RSRC1: variants seen among roughly 807,000 people sequenced by gnomAD.
RSRC1 encodes arginine and serine rich coiled-coil 1.
RSRC1 carries 39 observed loss-of-function variants against 49.1 expected under a neutral mutation model. The ratio of observed to expected loss-of-function variants is 0.79; its 90% CI spans 0.61 to 1.04. RSRC1 has a LOEUF of 1.04. RSRC1 is among the 50% of genes least tolerant of loss of function. The probability of loss-of-function intolerance (pLI) is 0.00; values close to 1 mark genes in which losing one functional copy is unlikely to be tolerated. For synonymous variants in RSRC1, 143 were observed against 130.8 expected (o/e 1.09, Z -0.63); for missense variants, 388 against 402.4 (o/e 0.96, Z 0.31).
chr3:158,203,153 G>A lies in RSRC1; in HGVS notation c.402G>A (p.Arg134=). The A allele has an allele frequency of 1.2e-6, 2 of 1,613,600 alleles. No individual in the cohort carries two copies. The highest frequency in any genetic ancestry group is 1.7e-6 in the Non-Finnish European group (2 of 1,179,720). The change falls in exon 4 of 10, where the codon CGG becomes CGA. Residue 134 remains arginine (R), a synonymous_variant. Coordinates refer to ENST00000611884, the MANE Select transcript of RSRC1 (RefSeq NM_001271838.2). The part of the protein sequence containing the change: ...SSHRRTRSRS[R]DRERRKGRDK... The stretch of plus-strand genomic sequence containing the variant: ...ACAGAAGAACGCGTAGTCGGTCTCG[G>A]GATAGAGAACGACGTAAGGGCAGAG...
At chr3:158,417,537 A>G (rs1157842129) in intron 6 of RSRC1, among the ~76,000 whole-genome samples, 5 of 152,108 alleles carry the variant, frequency 3.3e-5, no homozygotes, top group South Asian at 2.1e-4. Context: ...GGTTTTCACT[A>G]TGGAAAAAAA....
chr3:158,276,516 T>G (rs1725827278), intron 4 of RSRC1: 1 of 556,772 alleles, frequency 1.8e-6, no homozygotes, highest in Non-Finnish European at 3.2e-6. Flanking sequence ...ATGTTACCCC[T>G]CTTTTCTCAA....
chr3:158,239,294 C>G (rs1723427807), intron 4 of RSRC1, among the ~76,000 whole-genome samples: 1 of 152,182 alleles, frequency 6.6e-6, no homozygotes, highest in East Asian at 1.9e-4. Flanking sequence ...TTGTGTAAGA[C>G]AGTGTGTCAA....
intron 3 of RSRC1, among the ~76,000 whole-genome samples, chr3:158,193,952 G>C (rs970314688): frequency 2.0e-5 from 3 of 151,952 alleles, no homozygotes; most frequent in African/African-American, 7.3e-5. Context: ...CGACATACTA[G>C]TTCATGACTA....
At chr3:158,127,000 T>C (rs1020021026) in intron 3 of RSRC1, among the ~76,000 whole-genome samples, 10 of 152,204 alleles carry the variant, frequency 6.6e-5, no homozygotes, top group African/African-American at 2.2e-4. Flanking sequence ...TGAAATCTTA[T>C]GAAAGCTCCC....
chr3:158,447,720 G>C (rs527548949), intron 6 of RSRC1, among the ~76,000 whole-genome samples: 1 of 151,886 alleles, frequency 6.6e-6, no homozygotes, highest in East Asian at 1.9e-4. Flanking sequence ...TTCATGAATT[G>C]AAGCTAAGAA....
At chr3:158,430,957 A>G (rs1735745666) in intron 6 of RSRC1, among the ~76,000 whole-genome samples, 1 of 151,956 alleles carries the variant, frequency 6.6e-6, no homozygotes, top group Non-Finnish European at 1.5e-5. Flanking sequence ...GAGAGTCACC[A>G]TATTTTATTT....
intron 6 of RSRC1, among the ~76,000 whole-genome samples, chr3:158,418,550 G>A (rs1327164067): frequency 6.6e-6 from 1 of 151,884 alleles, no homozygotes; most frequent in African/African-American, 2.4e-5. Flanking sequence ...ACAGATAATA[G>A]GTTGACATTC....
At chr3:158,368,783 C>A (rs1002183220) in intron 6 of RSRC1, among the ~76,000 whole-genome samples, 4 of 151,918 alleles carry the variant, frequency 2.6e-5, no homozygotes, top group African/African-American at 9.7e-5. Flanking sequence ...AATTAATTAC[C>A]CTTTAATATC....
chr3:158,417,182 A>G (rs1308966612), intron 6 of RSRC1, among the ~76,000 whole-genome samples: 1 of 152,054 alleles, frequency 6.6e-6, no homozygotes, highest in Non-Finnish European at 1.5e-5. Flanking sequence ...CAGAATTCTC[A>G]ACACAGAACT....
At chr3:158,488,260 A>C (rs1560062860) in intron 7 of RSRC1, among the ~76,000 whole-genome samples, 1 of 152,142 alleles carries the variant, frequency 6.6e-6, no homozygotes, top group Non-Finnish European at 1.5e-5. Flanking sequence ...CTCTTTTAAT[A>C]AGTATAAAAA....
At chr3:158,270,185 G>A (rs997496140) in intron 4 of RSRC1, among the ~76,000 whole-genome samples, 24 of 152,286 alleles carry the variant, frequency 1.6e-4, no homozygotes, top group Non-Finnish European at 2.4e-4. Context: ...AATGGTTGAC[G>A]TGTAGGAGAT....
intron 4 of RSRC1, among the ~76,000 whole-genome samples, chr3:158,267,213 A>G (rs568317215): frequency 2.0e-5 from 3 of 152,268 alleles, no homozygotes; most frequent in Non-Finnish European, 4.4e-5. Flanking sequence ...AGTTAGCTGT[A>G]ATCTTATAAT....
At chr3:158,288,868 G>A (rs1053658300) in intron 4 of RSRC1, among the ~76,000 whole-genome samples, 5 of 118,016 alleles carry the variant, frequency 4.2e-5, no homozygotes, top group Non-Finnish European at 7.9e-5. Flanking sequence ...TTGATCTGTG[G>A]TTGGTTGACT....
At chr3:158,432,867 A>G (rs1273618070) in intron 6 of RSRC1, among the ~76,000 whole-genome samples, 1 of 151,882 alleles carries the variant, frequency 6.6e-6, no homozygotes, top group Non-Finnish European at 1.5e-5. Context: ...AATACTATAT[A>G]TATATACACA....
intron 3 of RSRC1, among the ~76,000 whole-genome samples, chr3:158,156,913 CTAAG>C (rs1200327201): frequency 1.3e-5 from 2 of 152,142 alleles, no homozygotes; most frequent in African/African-American, 4.8e-5. Context: ...CACAGAGACA[CTAAG>C]TGAGCACATG....
In RSRC1 at chr3:158,514,536, C is replaced by T. The variant is rs550780857; in HGVS notation, c.653-22556C>T. On this transcript the variant is annotated intron_variant, in intron 7 of 9. Coordinates refer to ENST00000611884, the MANE Select transcript of RSRC1 (RefSeq NM_001271838.2). Reference sequence around the variant, plus strand: ...TTTGCTGAGGAGAGCTTTACTTCCACGTATGTGGTCAATTTTGGAATAGGT... The same window carrying T: ...TTTGCTGAGGAGAGCTTTACTTCCATGTATGTGGTCAATTTTGGAATAGGT... Among the ~76,000 whole-genome samples the T allele has an allele frequency of 7.0e-4, 107 of 151,968 alleles. 1 individual carries two copies. Among genetic ancestry groups the T allele is most frequent in the African/African-American group, 2.3e-3 (96 of 41,414 alleles).
intron 7 of RSRC1, among the ~76,000 whole-genome samples, chr3:158,475,286 A>G (rs932145698): frequency 2.0e-5 from 3 of 152,134 alleles, no homozygotes; most frequent in Non-Finnish European, 4.4e-5. Context: ...TATGCCAGGC[A>G]TTGTTGTCAT....
At chr3:158,238,634 T>A (rs1723380359) in intron 4 of RSRC1, among the ~76,000 whole-genome samples, 2 of 152,220 alleles carry the variant, frequency 1.3e-5, no homozygotes, top group African/African-American at 2.4e-5. Flanking sequence ...CCCTGTTTAA[T>A]AAATGGTGCT....
Sources: allele counts gnomAD v4.1 joint callset (sites outside exome capture counted in the v4.1 genomes callset), GRCh38; gene constraint gnomAD v4.1.1; transcripts MANE v1.5; gene names NCBI Gene and HGNC (gene_info 2026-07-23, HGNC 2026-07-21).